Variants in PTPRM observed in about 807,000 individuals in gnomAD.
PTPRM encodes the protein protein tyrosine phosphatase receptor type M, also known as receptor-type tyrosine-protein phosphatase mu.
A neutral mutation model predicts 186.7 loss-of-function variants in PTPRM; 47 were observed. That is an observed-to-expected ratio of 0.25 (90% CI 0.20 to 0.32). PTPRM has a LOEUF of 0.32. Among genes scored for constraint, PTPRM ranks in the 10% least tolerant of loss-of-function variants. The pLI is 1.00. For missense variants in PTPRM, 1,494 were observed against 1,865.0 expected (o/e 0.80, Z 3.66); for synonymous variants, 668 against 674.9 (o/e 0.99, Z 0.16).
At chr18:8,400,075 C>G (rs2095864120) in intron 32 of PTPRM, among the ~76,000 whole-genome samples, 1 of 152,284 alleles carries the variant, frequency 6.6e-6, no homozygotes, top group East Asian at 1.9e-4. Context: ...TGTAGGGGAC[C>G]TGAGAACAGG....
chr18:8,035,251 T>C (rs1343761957), intron 7 of PTPRM, among the ~76,000 whole-genome samples: 1 of 152,238 alleles, frequency 6.6e-6, no homozygotes, highest in African/African-American at 2.4e-5. Context: ...AAAATTTGGC[T>C]TGGAAATTTC....
chr18:7,990,636 T>C (rs982398089), intron 7 of PTPRM, among the ~76,000 whole-genome samples: 1 of 152,218 alleles, frequency 6.6e-6, no homozygotes, highest in Non-Finnish European at 1.5e-5. Flanking sequence ...CATTGATTCA[T>C]GGAGATGAAG....
intron 1 of PTPRM, among the ~76,000 whole-genome samples, chr18:7,569,285 G>A (rs1366996600): frequency 6.6e-6 from 1 of 152,116 alleles, no homozygotes; most frequent in Non-Finnish European, 1.5e-5. Context: ...GATCACAGTT[G>A]GCCTCAGAGA....
chr18:7,887,668 T>C (rs2048854491), intron 2 of PTPRM, among the ~76,000 whole-genome samples: 1 of 152,228 alleles, frequency 6.6e-6, no homozygotes, highest in Non-Finnish European at 1.5e-5. Flanking sequence ...ATGGAGATGC[T>C]CTGTATCTGT....
At chr18:8,341,989 A>G (rs1457561369) in intron 22 of PTPRM, among the ~76,000 whole-genome samples, 2 of 152,214 alleles carry the variant, frequency 1.3e-5, no homozygotes. Context: ...CCCCAAAGGG[A>G]TTAGATGCAG....
chr18:7,914,975 T>C (rs1351654682), intron 4 of PTPRM, among the ~76,000 whole-genome samples: 1 of 152,202 alleles, frequency 6.6e-6, no homozygotes, highest in African/African-American at 2.4e-5. Context: ...CATAGTCCTC[T>C]TGTTCCACTT....
chr18:8,165,311 C>G (rs1195503918), intron 14 of PTPRM, among the ~76,000 whole-genome samples: 1 of 152,144 alleles, frequency 6.6e-6, no homozygotes, highest in Non-Finnish European at 1.5e-5. Context: ...TACTTGTACA[C>G]TTGGCTTGTC....
intron 24 of PTPRM, among the ~76,000 whole-genome samples, chr18:8,374,302 CA>C (rs2148475710): frequency 6.6e-6 from 1 of 152,280 alleles, no homozygotes; most frequent in South Asian, 2.1e-4. Context: ...AAGCACACCC[CA>C]TGCTCCCACT....
At chr18:8,074,496 T>C (rs1276197900) in intron 8 of PTPRM, among the ~76,000 whole-genome samples, 3 of 152,226 alleles carry the variant, frequency 2.0e-5, no homozygotes, top group Non-Finnish European at 4.4e-5. Context: ...GTTTTCAAAG[T>C]AGCGGCATGA....
At chr18:7,979,500 C>T (rs955980287) in intron 7 of PTPRM, among the ~76,000 whole-genome samples, 13 of 152,078 alleles carry the variant, frequency 8.5e-5, no homozygotes, top group African/African-American at 2.7e-4. Flanking sequence ...AAATGGTTAA[C>T]GTGTTACATG....
chr18:8,178,477 G>T (rs1456366678), intron 14 of PTPRM, among the ~76,000 whole-genome samples: 8 of 152,090 alleles, frequency 5.3e-5, no homozygotes, highest in African/African-American at 1.9e-4. Flanking sequence ...TGCCACATAG[G>T]CTCCTTTTAA....
chr18:8,036,607 G>A (rs1046597596), intron 7 of PTPRM, among the ~76,000 whole-genome samples: 11 of 152,102 alleles, frequency 7.2e-5, no homozygotes, highest in Non-Finnish European at 1.3e-4. Flanking sequence ...TGTAATGTGT[G>A]GGCACTCAGC....
At chr18:8,309,546 C>G (rs1330033937) in intron 20 of PTPRM, among the ~76,000 whole-genome samples, 2 of 152,134 alleles carry the variant, frequency 1.3e-5, no homozygotes, top group Non-Finnish European at 2.9e-5. Flanking sequence ...CAGGGTCTTG[C>G]TCTGTTGCCC....
At chr18:7,725,831 C>T (rs958428295) in intron 1 of PTPRM, among the ~76,000 whole-genome samples, 1 of 152,162 alleles carries the variant, frequency 6.6e-6, no homozygotes, top group Non-Finnish European at 1.5e-5. Context: ...TTCGTGTGAC[C>T]TCATTCCTTC....
At chr18:7,583,789 C>A (rs527600859) in intron 1 of PTPRM, among the ~76,000 whole-genome samples, 1 of 152,116 alleles carries the variant, frequency 6.6e-6, no homozygotes, top group African/African-American at 2.4e-5. Flanking sequence ...ATCTGTTTAA[C>A]GTGAAAGGTG....
intron 7 of PTPRM, among the ~76,000 whole-genome samples, chr18:8,015,150 G>A (rs1478626968): frequency 6.6e-6 from 1 of 152,006 alleles, no homozygotes; most frequent in Non-Finnish European, 1.5e-5. Context: ...AAATATCAGG[G>A]AACAGATTCT....
intron 32 of PTPRM, among the ~76,000 whole-genome samples, chr18:8,401,095 C>G (rs1385188888): frequency 6.6e-6 from 1 of 152,040 alleles, no homozygotes; most frequent in South Asian, 2.1e-4. Context: ...TCAGCACCAG[C>G]CAAGCGCCTG....
chr18:7,746,177 A>G (rs962009521), intron 1 of PTPRM, among the ~76,000 whole-genome samples: 1 of 152,222 alleles, frequency 6.6e-6, no homozygotes, highest in Non-Finnish European at 1.5e-5. Context: ...AAAGAACACT[A>G]TATTTAGGCA....
chr18:8,109,683 G>A (rs140748686), intron 11 of PTPRM, among the ~76,000 whole-genome samples: 2 of 152,244 alleles, frequency 1.3e-5, no homozygotes, highest in African/African-American at 4.8e-5. Flanking sequence ...ATTAGAGAAT[G>A]TCAAACATTG....
Sources: gnomAD v4.1 joint callset for allele counts (sites outside exome capture counted in the v4.1 genomes callset) on GRCh38, gnomAD v4.1.1 for gene constraint, MANE v1.5 for transcripts, NCBI Gene and HGNC (gene_info 2026-07-23, HGNC 2026-07-21) for gene names.